Variants in SCN1A observed in about 807,000 individuals in gnomAD.
SCN1A encodes the protein sodium voltage-gated channel alpha subunit 1.
SCN1A carries 13 observed loss-of-function variants against 193.7 expected under a neutral mutation model. That is an observed-to-expected ratio of 0.07 (90% CI 0.04 to 0.11). The LOEUF is 0.11. Among genes scored for constraint, SCN1A ranks in the 10% least tolerant of loss-of-function variants. The pLI, the probability that SCN1A is intolerant of heterozygous loss-of-function variation, is 1.00. For missense variants in SCN1A, 1,432 were observed against 2,451.1 expected (o/e 0.58, Z 8.78); for synonymous variants, 781 against 843.6 (o/e 0.93, Z 1.29).
At chr2:166,070,693 C>T (rs1015165604) in intron 4 of SCN1A, among the ~76,000 whole-genome samples, 2 of 151,744 alleles carry the variant, frequency 1.3e-5, no homozygotes, top group African/African-American at 4.8e-5. Context: ...CATTATAAAC[C>T]AATTATGGAC....
At chr2:166,110,308 C>T (rs1689158271) in intron 2 of SCN1A, among the ~76,000 whole-genome samples, 2 of 152,024 alleles carry the variant, frequency 1.3e-5, no homozygotes, top group African/African-American at 4.8e-5. Context: ...CCTAGATAGG[C>T]CAAATGCTAG....
chr2:166,075,027 A>G (rs962765214), intron 3 of SCN1A, among the ~76,000 whole-genome samples: 6 of 152,182 alleles, frequency 3.9e-5, no homozygotes, highest in East Asian at 1.9e-4. Flanking sequence ...CTGTAAATCA[A>G]TGAAAACTGA....
intron 19 of SCN1A, among the ~76,000 whole-genome samples, chr2:166,026,877 G>T (rs1694860580): frequency 6.6e-6 from 1 of 151,612 alleles, no homozygotes; most frequent in Non-Finnish European, 1.5e-5. Context: ...TAGAGATGGG[G>T]TTTCACCGTG....
In SCN1A at chr2:166,030,469, C is replaced by A. The variant is rs369916334; in HGVS notation, c.3429+5579G>T. The stretch of plus-strand genomic sequence containing the variant: ...ACTCATCGCAAAAACAAATGTATTT[C>A]TTTTATAATTACTTTAGTAATGTGC... On this transcript the variant is annotated intron_variant, in intron 19 of 28. Coordinates refer to ENST00000674923, the MANE Select transcript of SCN1A (RefSeq NM_001165963.4). Among the ~76,000 whole-genome samples, 5 of 143,332 alleles carry A rather than the reference C, an allele frequency of 3.5e-5. No individual in the cohort carries two copies. The East Asian group carries it at 9.6e-4, about 28-fold the overall frequency. The allele number at this position is 143,332 out of a possible 152,430, so 94.0% of individuals were successfully genotyped here. A position where few individuals can be genotyped will look rare whatever the true frequency, so the allele number is the denominator to read the frequency against.
intron 4 of SCN1A, among the ~76,000 whole-genome samples, chr2:166,070,168 A>AAT (rs1261862004): frequency 6.6e-6 from 1 of 152,232 alleles, no homozygotes; most frequent in African/African-American, 2.4e-5. Context: ...GCAACTTATA[A>AAT]AAGTCTTAAG....
At chr2:165,984,783 A>G (rs1051980623), downstream of SCN1A, 4 of 152,152 alleles carry the variant, frequency 2.6e-5, no homozygotes, top group African/African-American at 9.7e-5. Context: ...CAGAGTATGT[A>G]TAGCTTGGCT....
Position 166,058,700 on chromosome 2 carries a change from G to GA in SCN1A, c.265-13dup, listed in dbSNP as rs781338697. 7.2e-7 allele frequency: 1 copy of GA among 1,385,046 alleles called. No homozygotes were observed. The highest frequency in any genetic ancestry group is 1.0e-6 in the Non-Finnish European group (1 of 971,686). The allele number at this position is 1,385,046 out of a possible 1,614,324, so 85.8% of individuals were successfully genotyped here. Reference sequence around the variant, plus strand: ...AATACTATAAAAGTCTGTAAGACAGGAACACAACATAGAAGTATGAAAGTA... The same window carrying GA: ...AATACTATAAAAGTCTGTAAGACAGGAAACACAACATAGAAGTATGAAAGTA... On this transcript the variant is annotated splice_polypyrimidine_tract_variant and intron_variant, in intron 4 of 28. Coordinates refer to ENST00000674923, the MANE Select transcript of SCN1A (RefSeq NM_001165963.4).
At chr2:166,118,222 T>C (rs1690096719) in intron 2 of SCN1A, among the ~76,000 whole-genome samples, 1 of 150,504 alleles carries the variant, frequency 6.6e-6, no homozygotes, top group Non-Finnish European at 1.5e-5. Context: ...ATTCCACTTT[T>C]TGCTATTCCA....
In SCN1A at chr2:165,988,144, C is replaced by G. The variant is rs560437476; in HGVS notation, c.*3101G>C. 7.3e-4 allele frequency: 111 copies of G among 152,226 alleles called. No individual in the cohort carries two copies. Among genetic ancestry groups the G allele is most frequent in the African/African-American group, 2.6e-3 (109 of 41,564 alleles). 9.4% of individuals were successfully genotyped at this position (152,226 alleles called of 1,614,324 possible). ...TAATTTAGACTGTTAATTTTACTATCTGGACCACCCGAGTAACCTTTCCAT... is the reference window on the plus strand; with the variant it reads ...TAATTTAGACTGTTAATTTTACTATGTGGACCACCCGAGTAACCTTTCCAT... On this transcript the variant is annotated 3_prime_UTR_variant, in exon 29 of 29. Coordinates refer to ENST00000674923, the MANE Select transcript of SCN1A (RefSeq NM_001165963.4).
In SCN1A at chr2:166,054,625, A is replaced by G; in HGVS notation, c.602+13T>C. 1.2e-6 allele frequency: 2 copies of G among 1,611,758 alleles called. No individual in the cohort carries two copies. On this transcript the variant is annotated intron_variant, in intron 7 of 28. Coordinates refer to ENST00000674923, the MANE Select transcript of SCN1A (RefSeq NM_001165963.4). ...ACTATGTTCTCTCTTAAAGTTTCAA[A>G]AAAGGCACTTACGCAAATGTAATGA...
rs10523688 is a variant in SCN1A, at chr2:166,039,910, C to CTTT, written c.2416-317_2416-315dup. On this transcript the variant is annotated intron_variant, in intron 16 of 28. Transcript: ENST00000674923. ...AAACTAGGATTTGAGTACAAGTCATCTTTTTTTTTTTTTTTTTTTTTTTTT... is the reference window on the plus strand; with the variant it reads ...AAACTAGGATTTGAGTACAAGTCATCTTTTTTTTTTTTTTTTTTTTTTTTTTTT... Among the ~76,000 whole-genome samples the CTTT allele has an allele frequency of 1.8e-4, 20 of 110,876 alleles. 1 individual carries two copies. The highest frequency in any genetic ancestry group is 6.1e-4 in the African/African-American group (19 of 31,222). The allele number at this position is 110,876 out of a possible 152,430, so 72.7% of individuals were successfully genotyped here. A position where few individuals can be genotyped will look rare whatever the true frequency, so the allele number is the denominator to read the frequency against.
chr2:166,043,875 G>T lies in SCN1A; in HGVS notation c.1837C>A (p.Arg613=), dbSNP rs398123585. ...TTGCTGTTGCGTCTCTCTCCGTGTCGTCGGGGCACAAACAAGGAATCTCTA... is the reference window on the plus strand; with the variant it reads ...TTGCTGTTGCGTCTCTCTCCGTGTCTTCGGGGCACAAACAAGGAATCTCTA... The part of the protein sequence containing the change: ...SRRDSLFVPR[R]HGERRNSNLS... The change falls in exon 14 of 29, where the codon CGA becomes AGA. Residue 613 remains arginine (R), a synonymous_variant. Coordinates refer to ENST00000674923, the MANE Select transcript of SCN1A (RefSeq NM_001165963.4). The T allele has an allele frequency of 1.9e-6, 3 of 1,614,120 alleles. No individual in the cohort carries two copies. The African/African-American group carries it at 4.0e-5, about 22-fold the overall frequency.
rs542751707 is a variant in SCN1A at position 166,065,254 on chromosome 2, C to T, written c.265-6566G>A. Among the ~76,000 whole-genome samples the T allele has an allele frequency of 2.0e-5, 3 of 152,164 alleles. No individual in the cohort carries two copies. In the East Asian group the frequency reaches 5.8e-4, roughly 29 times the overall value. On this transcript the variant is annotated intron_variant, in intron 4 of 28. Transcript: ENST00000674923. ...AAGTGCTATTAAGTTTTTCATAGCT[C>T]TAAGCTGCTGGCTTGGAAAGAGGTT... is the stretch of plus-strand genomic sequence containing the variant.
At chr2:166,103,511 A>C (rs1280394369) in intron 2 of SCN1A, among the ~76,000 whole-genome samples, 1 of 151,978 alleles carries the variant, frequency 6.6e-6, no homozygotes, top group Admixed American at 6.6e-5. Context: ...GAAGTATAAC[A>C]ATAAGTTATC....
Position 166,126,905 on chromosome 2 carries a change from C to A in SCN1A, c.-142+19G>T, listed in dbSNP as rs186875686. On this transcript the variant is annotated intron_variant, in intron 2 of 28. Transcript: ENST00000674923. ...TGAGAAGTAAATGCAGCAAGTGGGT[C>A]GGGTCTTTAAACACATACCTCAAAC... 111 of 152,282 alleles carry A rather than the reference C, an allele frequency of 7.3e-4. No individual in the cohort carries two copies. Among genetic ancestry groups the A allele is most frequent in the African/African-American group, 2.6e-3 (109 of 41,554 alleles). 9.4% of individuals were successfully genotyped at this position (152,282 alleles called of 1,614,324 possible).
chr2:166,046,862 G>T lies in SCN1A; in HGVS notation c.1285C>A (p.Gln429Lys), dbSNP rs1455927233. ...GCTTCTTCCAAGGTGGCCTGATTCT[G>T]TTCCTCGTAGGCCATGGCCACCACA... ...LAVVAMAYEE[Q>K]NQATLEEAEQ... The change falls in exon 12 of 29, where the codon CAG becomes AAG. Residue 429 changes from glutamine (Q) to lysine (K), a missense_variant. Physicochemically the swap from Gln to Lys is moderately conservative, Grantham distance 53. Around this residue, in one of 18 missense-constraint regions of SCN1A, gnomAD observed 58 missense variants for 103.4 expected, o/e 0.56. Coordinates refer to ENST00000674923, the MANE Select transcript of SCN1A (RefSeq NM_001165963.4). 6.2e-7 allele frequency: 1 copy of T among 1,613,978 alleles called. No individual in the cohort carries two copies. The highest frequency in any genetic ancestry group is 8.5e-7 in the Non-Finnish European group (1 of 1,179,906).
intron 4 of SCN1A, 189 bp downstream of exon 4, chr2:166,073,169 G>A (rs1051983729): frequency 1.5e-6 from 1 of 671,306 alleles, no homozygotes; most frequent in Non-Finnish European, 2.5e-6. Flanking sequence ...ATTTGGGACA[G>A]TTGCATATGT....
chr2:166,121,049 C>A (rs949222624), intron 2 of SCN1A, among the ~76,000 whole-genome samples: 1 of 150,578 alleles, frequency 6.6e-6, no homozygotes, highest in African/African-American at 2.4e-5. Context: ...GATTCATGAC[C>A]CAAACTTGAC....
chr2:166,079,258 T>C lies in SCN1A; in HGVS notation c.-141-1457A>G, dbSNP rs537823178. On this transcript the variant is annotated intron_variant, in intron 2 of 28. Transcript: ENST00000674923. ...TGTGGTTTCTGTCATTTTTGTTCTA[T>C]GAATTCCAATGCGGTATTGTTTGAT... 4.6e-5 allele frequency among the ~76,000 whole-genome samples: 7 copies of C among 151,342 alleles called. No individual in the cohort carries two copies. In the South Asian group the frequency reaches 1.5e-3, roughly 32 times the overall value.
Sources: allele counts gnomAD v4.1 joint callset (sites outside exome capture counted in the v4.1 genomes callset), GRCh38; gene constraint gnomAD v4.1.1; regional missense constraint gnomAD v4.1.1; transcripts MANE v1.5; gene names NCBI Gene and HGNC (gene_info 2026-07-23, HGNC 2026-07-21).